NBPF14: variants seen among roughly 807,000 people sequenced by gnomAD.
NBPF14 encodes NBPF family member NBPF14.
In NBPF14, 104 loss-of-function variants were observed where a neutral mutation model predicts 91.2. That is an observed-to-expected ratio of 1.14 (90% CI 0.97 to 1.34). The LOEUF (loss-of-function observed/expected upper bound fraction) is 1.34, where lower values mean the gene tolerates loss of function less well. Among genes scored for constraint, NBPF14 ranks in the 40% most tolerant of loss-of-function variants. NBPF14 has a pLI of 0.00. For missense variants in NBPF14, 908 were observed against 783.0 expected (o/e 1.16, Z -1.91); for synonymous variants, 294 against 303.8 (o/e 0.97, Z 0.34).
chr1:148,559,440 G>C (rs1405011819), intron 37 of NBPF14, among the ~76,000 whole-genome samples: 1 of 133,352 alleles, frequency 7.5e-6, no homozygotes, highest in African/African-American at 3.6e-5. Context: ...GTTCATGGTA[G>C]CGAGGATTTC....
intron 12 of NBPF14, among the ~76,000 whole-genome samples, chr1:148,581,552 G>T (rs1326432120): frequency 2.6e-5 from 4 of 151,776 alleles, no homozygotes; most frequent in Non-Finnish European, 5.9e-5. Flanking sequence ...TTTCAACCAA[G>T]AATTTCATAT....
intron 8 of NBPF14, among the ~76,000 whole-genome samples, chr1:148,586,921 AT>A (rs1661635563): frequency 6.9e-6 from 1 of 144,384 alleles, no homozygotes; most frequent in South Asian, 2.3e-4. Flanking sequence ...GGCAACATTG[AT>A]TGAGTGAAAG....
Position 148,591,328 on chromosome 1 carries a change from G to A in NBPF14, c.566+104C>T. ...GTTGAATTTCACATACTGTGGCCAAGGGAATGCGGGCATTTGGCCCATCAT... is the reference window on the plus strand; with the variant it reads ...GTTGAATTTCACATACTGTGGCCAAAGGAATGCGGGCATTTGGCCCATCAT... On this transcript the variant is annotated intron_variant, in intron 5 of 70. Coordinates refer to ENST00000619423, the Ensembl canonical transcript of NBPF14. 2.1e-6 allele frequency: 3 copies of A among 1,449,236 alleles called. 1 individual carries two copies. The highest frequency in any genetic ancestry group is 5.0e-4 in the Middle Eastern group (2 of 4,008). 89.8% of individuals were successfully genotyped at this position (1,449,236 alleles called of 1,614,324 possible).
chr1:148,558,858 ATGGAAACCTAAACATCTAC>A (rs1358439789), intron 38 of NBPF14, among the ~76,000 whole-genome samples, 144 bp downstream of exon 38: 2 of 14,720 alleles, frequency 1.4e-4, no homozygotes, highest in East Asian at 3.2e-3. Flanking sequence ...GGAGGAAGAA[ATGGAAACCTAAACATCTAC>A]TGCAATGAAA....
Position 148,559,843 on chromosome 1 carries a change from G to T in NBPF14, c.4679C>A (p.Ala1560Asp). ...ACGCTGCTGCTCCAATATGTAAAAG[G>T]CACTTCTATAGGGCTGGCATGAGTC... The change falls in exon 37 of 71, where the codon GCC becomes GAC. Residue 1560 changes from alanine to aspartate, a missense_variant. Physicochemically the swap from Ala to Asp is moderately radical, Grantham distance 126. Transcript: ENST00000619423. 2 of 1,528,728 alleles carry T rather than the reference G, an allele frequency of 1.3e-6. 1 individual carries two copies. The highest frequency in any genetic ancestry group is 1.8e-6 in the Non-Finnish European group (2 of 1,142,068). The allele number at this position is 1,528,728 out of a possible 1,614,324, so 94.7% of individuals were successfully genotyped here. A position where few individuals can be genotyped will look rare whatever the true frequency, so the allele number is the denominator to read the frequency against.
At chr1:148,572,889 G>A (rs1430583417) in intron 20 of NBPF14, among the ~76,000 whole-genome samples, 1 of 20,124 alleles carries the variant, frequency 5.0e-5, no homozygotes, top group Non-Finnish European at 8.9e-5. Flanking sequence ...TGGTAAGGGA[G>A]TCAAAGGACA....
intron 64 of NBPF14, among the ~76,000 whole-genome samples, chr1:148,538,313 C>A (rs1655377279): frequency 3.3e-5 from 1 of 30,274 alleles, no homozygotes; most frequent in Non-Finnish European, 6.1e-5. Context: ...TAACAGGACA[C>A]TCTGAGTTAG....
At chr1:148,533,807 T>G (rs1315630340) in intron 70 of NBPF14, 54 bp downstream of exon 70, 4 of 766,762 alleles carry the variant, frequency 5.2e-6, no homozygotes, top group African/African-American at 3.4e-5. Flanking sequence ...TCCCTGAATC[T>G]GTTGCCTCCA....
At chr1:148,557,139 A>C (rs1404445491) in intron 40 of NBPF14, among the ~76,000 whole-genome samples, 3 of 120,780 alleles carry the variant, frequency 2.5e-5, no homozygotes, top group Admixed American at 2.5e-4. Flanking sequence ...CACACTGATG[A>C]GGGAGTAACA....
chr1:148,533,780 T>C lies in NBPF14; in HGVS notation c.8723+81A>G, dbSNP rs1267042099. On this transcript the variant is annotated intron_variant, in intron 70 of 70. Transcript: ENST00000619423. ...TTCAGCCTTTGTTGAAAATATGACA[T>C]CAAACACACTCTGGTTTCCCTGAAT... 115 of 763,866 alleles carry C rather than the reference T, an allele frequency of 1.5e-4. 3 individuals carry two copies. In the African/African-American group the frequency reaches 1.6e-3, roughly 11 times the overall value. The allele number at this position is 763,866 out of a possible 1,614,324, so 47.3% of individuals were successfully genotyped here.
Position 148,539,273 on chromosome 1 carries a change from T to C in NBPF14, c.7882+137A>G, listed in dbSNP as rs1332271006. ...CTTCCAACTGAGACTACAGTTTCTT[T>C]ACAACCTATATGCGCCCATAGGTCC... On this transcript the variant is annotated intron_variant, in intron 63 of 70. Transcript: ENST00000619423. The C allele has an allele frequency of 7.9e-6, 5 of 634,730 alleles. 1 individual carries two copies. The highest frequency in any genetic ancestry group is 3.3e-5 in the South Asian group (2 of 60,412). 39.3% of individuals were successfully genotyped at this position (634,730 alleles called of 1,614,324 possible).
At chr1:148,590,040 C>CTTTTTT (rs1196401979) in intron 6 of NBPF14, among the ~76,000 whole-genome samples, 3 of 76,348 alleles carry the variant, frequency 3.9e-5, no homozygotes, top group African/African-American at 1.8e-4. Flanking sequence ...CAGAGACTTA[C>CTTTTTT]TTTTTTTTTT....
At chr1:148,559,650 A>G in intron 37 of NBPF14, 143 bp downstream of exon 37, 3 of 592,138 alleles carry the variant, frequency 5.1e-6, no homozygotes, top group East Asian at 3.2e-5. Context: ...GTGGAACTAG[A>G]GTTTCATTCA....
At chr1:148,569,306 C>A in exon 25 of NBPF14, 1 of 412,486 alleles carries the variant, frequency 2.4e-6, no homozygotes, top group South Asian at 2.2e-5. Flanking sequence ...ACATAAAAGG[C>A]ACTTCTGTAG....
intron 70 of NBPF14, 115 bp from the exon 71 acceptor site, chr1:148,533,363 C>G: frequency 7.5e-6 from 4 of 530,240 alleles, no homozygotes; most frequent in Non-Finnish European, 9.9e-6. Flanking sequence ...AGGATAGAAC[C>G]ATTAATGAGG....
rs1297369660 is a variant in NBPF14, at chr1:148,591,351, C to T, written c.566+81G>A. On this transcript the variant is annotated intron_variant, in intron 5 of 70. Transcript: ENST00000619423. ...AAGGGAATGCGGGCATTTGGCCCAT[C>T]ATAGATGCCAGAGAGGGTGTGCCTC... 5 of 1,471,730 alleles carry T rather than the reference C, an allele frequency of 3.4e-6. No individual in the cohort carries two copies. In the South Asian group the frequency reaches 3.5e-5, roughly 10 times the overall value. The allele number at this position is 1,471,730 out of a possible 1,614,324, so 91.2% of individuals were successfully genotyped here. A position where few individuals can be genotyped will look rare whatever the true frequency, so the allele number is the denominator to read the frequency against.
rs1200945881 is a variant in NBPF14, at chr1:148,559,430, G to C, written c.4730-358C>G. Among the ~76,000 whole-genome samples the C allele has an allele frequency of 4.5e-5, 6 of 133,806 alleles. 1 individual carries two copies. Among genetic ancestry groups the C allele is most frequent in the African/African-American group, 7.1e-5 (2 of 28,038 alleles). The allele number at this position is 133,806 out of a possible 152,430, so 87.8% of individuals were successfully genotyped here. A position where few individuals can be genotyped will look rare whatever the true frequency, so the allele number is the denominator to read the frequency against. ...CCCTGTCTCATCAAATACTCAGATT[G>C]TTCATGGTAGCGAGGATTTCAGACG... On this transcript the variant is annotated intron_variant, in intron 37 of 70. Coordinates refer to ENST00000619423, the Ensembl canonical transcript of NBPF14.
Position 148,572,437 on chromosome 1 carries a change from A to G in NBPF14, c.2758+6T>C. The G allele has an allele frequency of 2.0e-6, 1 of 490,422 alleles. No homozygotes were observed. The highest frequency in any genetic ancestry group is 3.5e-6 in the Non-Finnish European group (1 of 289,048). The allele number at this position is 490,422 out of a possible 1,614,324, so 30.4% of individuals were successfully genotyped here. The stretch of plus-strand genomic sequence containing the variant: ...AGGCTTATCACCTTCACAGTAAGGT[A>G]CTCACTGTCCACGTCAAGAGCCAAG... On this transcript the variant is annotated splice_donor_region_variant and intron_variant, in intron 21 of 70. Coordinates refer to ENST00000619423, the Ensembl canonical transcript of NBPF14.
chr1:148,575,855 G>A (rs1659596164), intron 16 of NBPF14, 44 bp from the exon 17 acceptor site: 1 of 302,864 alleles, frequency 3.3e-6, no homozygotes, highest in Non-Finnish European at 5.7e-6. Context: ...GGGGGAATCA[G>A]AAACCACACA....
Sources: allele counts gnomAD v4.1 joint callset (sites outside exome capture counted in the v4.1 genomes callset), GRCh38; gene constraint gnomAD v4.1.1; transcripts MANE v1.5; gene names NCBI Gene and HGNC (gene_info 2026-07-23, HGNC 2026-07-21).